Variants in NOX3 observed in about 807,000 individuals in gnomAD.
NOX3 encodes NADPH oxidase catalytic subunit-like 3.
In NOX3, 74 loss-of-function variants were observed where a neutral mutation model predicts 76.7. That is an observed-to-expected ratio of 0.96 (90% CI 0.80 to 1.17). NOX3 has a LOEUF of 1.17. NOX3 is among the 50% of genes most tolerant of loss of function. The pLI is 0.00. For missense variants in NOX3, 695 were observed against 703.3 expected, an observed-to-expected ratio of 0.99 and a Z score of 0.13; for synonymous variants, 263 against 261.1, an observed-to-expected ratio of 1.01 and a Z score of -0.07.
At chr6:155,403,946 C>A (rs1441741663) in intron 12 of NOX3, among the ~76,000 whole-genome samples, 1 of 151,700 alleles carries the variant, frequency 6.6e-6, no homozygotes, top group Non-Finnish European at 1.5e-5. Flanking sequence ...AAATAATAAA[C>A]AAACAAACAC....
intron 7 of NOX3, among the ~76,000 whole-genome samples, chr6:155,431,741 C>A (rs1562466892): frequency 6.6e-6 from 1 of 152,168 alleles, no homozygotes; most frequent in Non-Finnish European, 1.5e-5. Context: ...TGAACAATCC[C>A]ATGAGGCATA....
At chr6:155,443,166 T>C in intron 5 of NOX3, 107 bp downstream of exon 5, 1 of 1,174,206 alleles carries the variant, frequency 8.5e-7, no homozygotes, top group East Asian at 2.6e-5. Flanking sequence ...TATAAATTCA[T>C]TCTCCAGCTC....
At chr6:155,441,073 C>G (rs760986872) in intron 5 of NOX3, among the ~76,000 whole-genome samples, 2 of 152,318 alleles carry the variant, frequency 1.3e-5, no homozygotes, top group South Asian at 4.2e-4. Context: ...AGAATTCTGA[C>G]CTGTGAGTGC....
chr6:155,408,067 C>T (rs1582927851), intron 11 of NOX3, among the ~76,000 whole-genome samples: 2 of 152,292 alleles, frequency 1.3e-5, no homozygotes, highest in East Asian at 3.9e-4. Context: ...CAATCTCCAC[C>T]TCCTGAGTTC....
Position 155,430,843 on chromosome 6 carries a change from C to G in NOX3, c.891G>C (p.Lys297Asn), listed in dbSNP as rs765519217. The G allele has an allele frequency of 6.2e-7, 1 of 1,605,120 alleles. No individual in the cohort carries two copies. Among genetic ancestry groups the G allele is most frequent in the Non-Finnish European group, 8.5e-7 (1 of 1,172,258 alleles). The part of the protein sequence containing the change: ...WRFQQEVVIT[K>N]VVSHPSGVLE... ...TTCAGACATAAAGCTACATGCATAC[C>G]TTGGTAATGACAACTTCTTGTTGAA... is the stretch of plus-strand genomic sequence containing the variant. The change falls in exon 8 of 14, where the codon AAG becomes AAC. Residue 297 changes from lysine (K) to asparagine (N), a missense_variant and splice_region_variant. Physicochemically the swap from Lys to Asn is moderately conservative, Grantham distance 94 (BLOSUM62 0). Coordinates refer to ENST00000159060, the MANE Select transcript of NOX3 (RefSeq NM_015718.3).
Position 155,428,854 on chromosome 6 carries a change from G to T in NOX3, c.1085C>A (p.Ala362Glu), listed in dbSNP as rs752721325. Residue 362 changes from alanine (A) to glutamate (E), a missense_variant, in exon 9 of 14, where the codon GCG becomes GAG. Physicochemically the swap from Ala to Glu is moderately radical, Grantham distance 107. Coordinates refer to ENST00000159060, the MANE Select transcript of NOX3 (RefSeq NM_015718.3). ...HIRAAGDWTA[A>E]LLEAFGAEGQ... ...CTCTGCCCCAAAGGCCTCCAGTAGCGCTGCTGTCCAGTCTCCTGCTGCCCG... is the reference window on the plus strand; with the variant it reads ...CTCTGCCCCAAAGGCCTCCAGTAGCTCTGCTGTCCAGTCTCCTGCTGCCCG... 63 of 1,603,168 alleles carry T rather than the reference G, an allele frequency of 3.9e-5. No individual in the cohort carries two copies. Among genetic ancestry groups the T allele is most frequent in the African/African-American group, 8.0e-5 (6 of 74,660 alleles).
chr6:155,440,309 G>T (rs1386600836), intron 5 of NOX3, among the ~76,000 whole-genome samples, 172 bp from the exon 6 acceptor site: 1 of 151,890 alleles, frequency 6.6e-6, no homozygotes, highest in East Asian at 1.9e-4. Flanking sequence ...GAGGATGCAG[G>T]TGCAACTCAA....
chr6:155,455,839 C>A lies in NOX3; in HGVS notation c.-39G>T. ...CTTCGGCTGTCAGGAAATTTCTTCT[C>A]CCTCACCTGTGTCTGGATGTTGGGT... On this transcript the variant is annotated 5_prime_UTR_variant, in exon 1 of 14. Coordinates refer to ENST00000159060, the MANE Select transcript of NOX3 (RefSeq NM_015718.3). 1 of 1,593,568 alleles carries A rather than the reference C, an allele frequency of 6.3e-7. No individual in the cohort carries two copies. The highest frequency in any genetic ancestry group is 8.6e-7 in the Non-Finnish European group (1 of 1,161,444).
rs1216558191 is a variant in NOX3 at position 155,396,931 on chromosome 6, T to C, written c.1612A>G (p.Lys538Glu). 1 of 1,613,278 alleles carries C rather than the reference T, an allele frequency of 6.2e-7. No individual in the cohort carries two copies. The highest frequency in any genetic ancestry group is 8.5e-7 in the Non-Finnish European group (1 of 1,179,412). The change falls in exon 13 of 14, where the codon AAA becomes GAA. Residue 538 changes from lysine (K) to glutamate (E), a missense_variant. Physicochemically the swap from Lys to Glu is moderately conservative, Grantham distance 56 (BLOSUM62 1). Transcript: ENST00000159060. ...TTTTGAAGTGTCCTCGAGAGAGCTT[T>C]AGGTCCACAGAAGAACACGCCAATA... ...SSIGVFFCGP[K>E]ALSRTLQKMC...
intron 5 of NOX3, among the ~76,000 whole-genome samples, chr6:155,442,040 G>A (rs550540839): frequency 2.6e-5 from 4 of 152,098 alleles, no homozygotes; most frequent in Non-Finnish European, 5.9e-5. Context: ...CGAGGTGGGC[G>A]GATCACGAGG....
chr6:155,451,005 T>G (rs1363866112), intron 4 of NOX3, among the ~76,000 whole-genome samples: 1 of 151,516 alleles, frequency 6.6e-6, no homozygotes, highest in East Asian at 1.9e-4. Context: ...TGAGACAGAG[T>G]TTTGCTCTTA....
intron 12 of NOX3, among the ~76,000 whole-genome samples, chr6:155,404,127 A>ATT (rs4031391): frequency 3.2e-4 from 46 of 145,362 alleles, no homozygotes; most frequent in Non-Finnish European, 4.8e-4. Context: ...ATATATATAT[A>ATT]TTTTTTTTTT....
At chr6:155,420,059 A>C (rs1486028985) in intron 10 of NOX3, among the ~76,000 whole-genome samples, 2 of 152,158 alleles carry the variant, frequency 1.3e-5, no homozygotes, top group Non-Finnish European at 2.9e-5. Context: ...TATCCAGAGA[A>C]GCTATGTTCA....
chr6:155,445,718 C>T (rs1777050689), intron 4 of NOX3, among the ~76,000 whole-genome samples: 1 of 151,732 alleles, frequency 6.6e-6, no homozygotes, highest in Non-Finnish European at 1.5e-5. Flanking sequence ...GGACTTTATT[C>T]ATCCTTGAAA....
chr6:155,438,938 G>C (rs773890153), intron 6 of NOX3, among the ~76,000 whole-genome samples: 1 of 152,324 alleles, frequency 6.6e-6, no homozygotes, highest in South Asian at 2.1e-4. Context: ...TGGTGTTGAG[G>C]AAGGTTTAAT....
chr6:155,425,705 T>A (rs186763720), intron 9 of NOX3, among the ~76,000 whole-genome samples: 83 of 152,332 alleles, frequency 5.4e-4, no homozygotes, highest in Middle Eastern at 6.8e-3. Flanking sequence ...ATTGTACAGA[T>A]GAGGAAACTG....
chr6:155,437,155 C>T (rs1294666083), intron 6 of NOX3, among the ~76,000 whole-genome samples: 1 of 152,204 alleles, frequency 6.6e-6, no homozygotes, highest in African/African-American at 2.4e-5. Flanking sequence ...GACCGGAGCA[C>T]TGGACGAAGA....
chr6:155,423,840 A>G (rs1372664827), intron 9 of NOX3, among the ~76,000 whole-genome samples: 1 of 151,228 alleles, frequency 6.6e-6, no homozygotes, highest in Non-Finnish European at 1.5e-5. Flanking sequence ...TCCTGGGTTC[A>G]AGCGACTCTT....
chr6:155,420,809 A>C (rs1296936006), intron 10 of NOX3, among the ~76,000 whole-genome samples: 1 of 152,210 alleles, frequency 6.6e-6, no homozygotes, highest in Non-Finnish European at 1.5e-5. Context: ...TGATAAATCT[A>C]GGCCATTAGT....
Sources: allele counts gnomAD v4.1 joint callset (sites outside exome capture counted in the v4.1 genomes callset), GRCh38; gene constraint gnomAD v4.1.1; transcripts MANE v1.5; gene names NCBI Gene and HGNC (gene_info 2026-07-23, HGNC 2026-07-21).